The following CCDC73 variants were observed in gnomAD, a reference collection of about 807,000 sequenced individuals.
CCDC73 encodes coiled-coil domain containing 73.
In CCDC73, 95 loss-of-function variants were observed where a neutral mutation model predicts 116.5. The ratio of observed to expected loss-of-function variants is 0.82; its 90% CI spans 0.69 to 0.97. The LOEUF (loss-of-function observed/expected upper bound fraction) is 0.97. CCDC73 is among the 50% of genes least tolerant of loss of function. The pLI is 0.00. For synonymous variants in CCDC73, 398 were observed against 401.3 expected (o/e 0.99, Z 0.10); for missense variants, 1,066 against 1,206.8 (o/e 0.88, Z 1.73).
At chr11:32,769,570 G>C (rs1212672042) in intron 1 of CCDC73, among the ~76,000 whole-genome samples, 1 of 152,154 alleles carries the variant, frequency 6.6e-6, no homozygotes, top group Non-Finnish European at 1.5e-5. Context: ...CACAAAACCA[G>C]CAAAGATTCA....
the CCDC73 span, among the ~76,000 whole-genome samples, chr11:32,801,301 C>G: frequency 6.6e-6 from 1 of 152,154 alleles, no homozygotes; most frequent in African/African-American, 2.4e-5. Context: ...ACTCCTAGAG[C>G]TGGAGACAGA....
chr11:32,727,733 G>A lies in CCDC73; in HGVS notation c.136-9586C>T, dbSNP rs375297554. On this transcript the variant is annotated intron_variant, in intron 2 of 17. Transcript: ENST00000335185. Reference sequence around the variant, plus strand: ...ATTACAGGCACCCACCACCACGTCCGGCTAGTTTTTGTATTTTTAGTAGAG... The same window carrying A: ...ATTACAGGCACCCACCACCACGTCCAGCTAGTTTTTGTATTTTTAGTAGAG... Among the ~76,000 whole-genome samples the A allele has an allele frequency of 1.0e-3, 153 of 152,024 alleles. 1 individual carries two copies. In the East Asian group the frequency reaches 0.019, roughly 19 times the overall value.
intron 17 of CCDC73, 34 bp from the exon 18 acceptor site, chr11:32,603,054 T>C (rs1213677415): frequency 1.3e-6 from 2 of 1,512,680 alleles, no homozygotes; most frequent in East Asian, 2.3e-5. Context: ...CCTTCGAAAT[T>C]ATTATACAAA....
chr11:32,684,686 T>C (rs1318914770), intron 6 of CCDC73, among the ~76,000 whole-genome samples: 6 of 152,168 alleles, frequency 3.9e-5, no homozygotes, highest in African/African-American at 1.2e-4. Flanking sequence ...ATTTGTTAAT[T>C]TTTATAGGCT....
chr11:32,643,232 A>G (rs1855748902), intron 12 of CCDC73, among the ~76,000 whole-genome samples: 1 of 152,118 alleles, frequency 6.6e-6, no homozygotes, highest in African/African-American at 2.4e-5. Flanking sequence ...CAATTTTAAC[A>G]TGGAGATTCT....
chr11:32,789,727 C>T (rs1257887573), intron 1 of CCDC73, among the ~76,000 whole-genome samples: 4 of 152,236 alleles, frequency 2.6e-5, no homozygotes, highest in South Asian at 2.1e-4. Context: ...TAGCTATGAT[C>T]GTGCCACTAC....
At chr11:32,653,076 A>G (rs761305982) in intron 12 of CCDC73, 47 bp downstream of exon 12, 1 of 1,130,166 alleles carries the variant, frequency 8.8e-7, no homozygotes, top group Non-Finnish European at 1.3e-6. Context: ...GTGAAAATAT[A>G]CTAAAACACA....
intron 14 of CCDC73, among the ~76,000 whole-genome samples, chr11:32,622,508 C>T (rs745878801): frequency 2.0e-5 from 3 of 151,464 alleles, no homozygotes; most frequent in African/African-American, 4.9e-5. Context: ...GGGGCCTGTC[C>T]GGGTGGGGGG....
chr11:32,614,841 C>G lies in CCDC73; in HGVS notation c.1477G>C (p.Asp493His), dbSNP rs200283361. Reference protein sequence around the residue: ...EISLSKTLSLDKEVISQGQTS... With the variant: ...EISLSKTLSLHKEVISQGQTS... ...TGTCCTTGACTAATTACTTCTTTAT[C>G]TAAGGAGAGGGTTTTGCTTAAGGAG... Residue 493 changes from aspartate to histidine, a missense_variant, in exon 16 of 18, where the codon GAT (aspartate) becomes CAT (histidine). Transcript: ENST00000335185. 53 of 1,612,814 alleles carry G rather than the reference C, an allele frequency of 3.3e-5. No homozygotes were observed. The African/African-American group carries it at 6.4e-4, about 20-fold the overall frequency.
intron 12 of CCDC73, 52 bp from the exon 13 acceptor site, chr11:32,642,134 C>G (rs1197255678): frequency 2.1e-6 from 3 of 1,448,750 alleles, no homozygotes; most frequent in Non-Finnish European, 2.7e-6. Context: ...TTAATGAATT[C>G]TGATGTGTTT....
intron 2 of CCDC73, among the ~76,000 whole-genome samples, chr11:32,748,083 G>A (rs909028723): frequency 4.6e-5 from 7 of 152,020 alleles, no homozygotes; most frequent in Non-Finnish European, 7.4e-5. Context: ...TCTTGGAAGC[G>A]ACCCATCCTA....
intron 14 of CCDC73, among the ~76,000 whole-genome samples, chr11:32,634,060 A>G (rs918788445): frequency 1.3e-5 from 2 of 152,230 alleles, no homozygotes; most frequent in Non-Finnish European, 2.9e-5. Flanking sequence ...TATTTAAAAT[A>G]TTCCCACCAA....
chr11:32,781,603 G>A (rs1295796601), intron 1 of CCDC73, among the ~76,000 whole-genome samples: 1 of 152,144 alleles, frequency 6.6e-6, no homozygotes, highest in Non-Finnish European at 1.5e-5. Flanking sequence ...AACCCTCTCT[G>A]ACCTGGGCAG....
chr11:32,746,802 C>T (rs1324989558), intron 2 of CCDC73, among the ~76,000 whole-genome samples: 2 of 152,162 alleles, frequency 1.3e-5, no homozygotes, highest in African/African-American at 4.8e-5. Flanking sequence ...CTTCTCTACA[C>T]TGGTTATTCT....
intron 17 of CCDC73, among the ~76,000 whole-genome samples, chr11:32,607,538 A>G (rs1445845917): frequency 1.3e-5 from 2 of 152,258 alleles, no homozygotes; most frequent in African/African-American, 2.4e-5. Context: ...CAGCTATCTT[A>G]TAAGGGTTAA....
At chr11:32,661,991 A>G (rs187092834) in intron 9 of CCDC73, among the ~76,000 whole-genome samples, 1 of 151,970 alleles carries the variant, frequency 6.6e-6, no homozygotes, top group African/African-American at 2.4e-5. Context: ...AGCTTCATCC[A>G]TGTCCCTACA....
intron 17 of CCDC73, among the ~76,000 whole-genome samples, chr11:32,609,648 C>T (rs1855395316): frequency 6.6e-6 from 1 of 152,152 alleles, no homozygotes; most frequent in Non-Finnish European, 1.5e-5. Context: ...CTCCTGGTAC[C>T]AATTTACTGT....
intron 14 of CCDC73, among the ~76,000 whole-genome samples, chr11:32,621,253 T>C (rs925306087): frequency 2.0e-5 from 3 of 152,112 alleles, no homozygotes; most frequent in African/African-American, 4.8e-5. Context: ...GGAGGCATCA[T>C]GCTACCTGAC....
chr11:32,715,412 G>A (rs946076086), intron 3 of CCDC73, among the ~76,000 whole-genome samples: 2 of 151,802 alleles, frequency 1.3e-5, no homozygotes, highest in Non-Finnish European at 2.9e-5. Context: ...TGTAACTTCT[G>A]GAATCTTAAG....
Sources: allele counts gnomAD v4.1 joint callset (sites outside exome capture counted in the v4.1 genomes callset), GRCh38; gene constraint gnomAD v4.1.1; transcripts MANE v1.5; gene names NCBI Gene and HGNC (gene_info 2026-07-23, HGNC 2026-07-21).